HTR2C: variants seen among roughly 807,000 people sequenced by gnomAD.
HTR2C encodes 5-hydroxytryptamine receptor 2C, also known as 5-hydroxytryptamine (serotonin) receptor 2C, G protein-coupled.
Under a neutral mutation model 21.0 loss-of-function variants are expected in HTR2C, and 5 were observed. The ratio of observed to expected loss-of-function variants is 0.24; its 90% CI spans 0.12 to 0.50. The LOEUF (loss-of-function observed/expected upper bound fraction) is 0.50. HTR2C is among the 20% of genes least tolerant of loss of function. The probability of loss-of-function intolerance (pLI) is 0.98; values close to 1 mark genes in which losing one functional copy is unlikely to be tolerated. For synonymous variants in HTR2C, 150 were observed against 145.3 expected (o/e 1.03, Z -0.23); for missense variants, 271 against 371.2 (o/e 0.73, Z 2.22).
chrX:114,902,664 G>T (rs1035206334), intron 5 of HTR2C, among the ~76,000 whole-genome samples: 4 of 110,705 alleles, frequency 3.6e-5, no homozygotes, highest in Non-Finnish European at 7.6e-5. Flanking sequence ...AGGCTGGAGT[G>T]CAGTGGCGGG....
intron 4 of HTR2C, among the ~76,000 whole-genome samples, chrX:114,801,443 T>C (rs1556446820): frequency 9.0e-6 from 1 of 111,324 alleles, no homozygotes; most frequent in Non-Finnish European, 1.9e-5. Flanking sequence ...GGGATGTATC[T>C]GCCTGCCTAT....
At chrX:114,737,468 CCTCAGT>C (rs2069602843) in intron 4 of HTR2C, among the ~76,000 whole-genome samples, 1 of 110,925 alleles carries the variant, frequency 9.0e-6, no homozygotes, top group African/African-American at 3.3e-5. Flanking sequence ...GATCCGCCCG[CCTCAGT>C]CTCCCAAAGT....
intron 2 of HTR2C, among the ~76,000 whole-genome samples, chrX:114,704,119 C>T (rs1932673132): frequency 1.8e-5 from 2 of 111,472 alleles, no homozygotes; most frequent in African/African-American, 6.5e-5. Flanking sequence ...CAGCTGAATT[C>T]TACTGGAGGT....
At chrX:114,801,977 T>A in intron 4 of HTR2C, among the ~76,000 whole-genome samples, 1 of 111,278 alleles carries the variant, frequency 9.0e-6, no homozygotes. Context: ...AATTTAAATA[T>A]TAATTTGGTT....
At chrX:114,839,224 A>G (rs2070812960) in intron 4 of HTR2C, among the ~76,000 whole-genome samples, 2 of 112,233 alleles carry the variant, frequency 1.8e-5, no homozygotes, top group African/African-American at 3.2e-5. Context: ...AACACAAAGA[A>G]CAACTACCTT....
At position 114,908,308 on chromosome X, in the gene HTR2C, G is replaced by T. The variant is rs1490851554; in HGVS notation, c.*893G>T. 8.9e-6 allele frequency: 1 copy of T among 112,177 alleles called. No individual in the cohort carries two copies. Among genetic ancestry groups the T allele is most frequent in the African/African-American group, 3.2e-5 (1 of 30,848 alleles). 9.2% of individuals were successfully genotyped at this position (112,177 alleles called of 1,213,427 possible). The stretch of plus-strand genomic sequence containing the variant: ...TTTGATCTCAGCATCCTGGAAATTT[G>T]TGTGCTTCACACAAAGTGAAATTAG... On this transcript the variant is annotated 3_prime_UTR_variant, in exon 6 of 6. Transcript: ENST00000276198.
intron 1 of HTR2C, among the ~76,000 whole-genome samples, chrX:114,590,336 C>T (rs1927579151): frequency 9.0e-6 from 1 of 111,617 alleles, no homozygotes; most frequent in Non-Finnish European, 1.9e-5. Flanking sequence ...AAACCTGATC[C>T]GTGATTAAAA....
At chrX:114,768,103 T>A (rs1047121649) in intron 4 of HTR2C, among the ~76,000 whole-genome samples, 2 of 111,660 alleles carry the variant, frequency 1.8e-5, no homozygotes, top group African/African-American at 6.5e-5. Context: ...GCCTTTAGCA[T>A]TAATTCTGGC....
chrX:114,885,301 A>G (rs782466270), intron 5 of HTR2C, among the ~76,000 whole-genome samples: 1 of 111,587 alleles, frequency 9.0e-6, no homozygotes, highest in Non-Finnish European at 1.9e-5. Context: ...TTGTGTTACA[A>G]TTGCCTACAG....
intron 5 of HTR2C, among the ~76,000 whole-genome samples, chrX:114,860,275 A>G (rs2070996424): frequency 9.0e-6 from 1 of 111,362 alleles, no homozygotes; most frequent in African/African-American, 3.2e-5. Flanking sequence ...CATTTGTTCT[A>G]TAAATTTTGA....
rs1556487133 is a variant in HTR2C at position 114,906,967 on chromosome X, C to T, written c.929C>T (p.Ser310Leu). 1.7e-6 allele frequency: 2 copies of T among 1,210,974 alleles called. No homozygotes were observed. The highest frequency in any genetic ancestry group is 3.0e-5 in the East Asian group (1 of 33,820). The change falls in exon 6 of 6, where the codon TCG (serine) becomes TTG (leucine). Residue 310 changes from serine (S) to leucine (L), a missense_variant. Ser to Leu is a moderately radical substitution (Grantham distance 145). Around this residue, in one of 5 missense-constraint regions of HTR2C, gnomAD observed 192 missense variants for 247.2 expected, o/e 0.78. Transcript: ENST00000276198. ...MQAINNERKA[S>L]KVLGIVFFVF... Reference sequence around the variant, plus strand: ...GCTATCAACAATGAAAGAAAAGCTTCGAAAGTCCTTGGGATTGTTTTCTTT... The same window carrying T: ...GCTATCAACAATGAAAGAAAAGCTTTGAAAGTCCTTGGGATTGTTTTCTTT...
At chrX:114,662,938 C>T (rs781949330) in intron 2 of HTR2C, among the ~76,000 whole-genome samples, 6 of 111,580 alleles carry the variant, frequency 5.4e-5, no homozygotes, top group Non-Finnish European at 1.1e-4. Flanking sequence ...AGAAGAGTGG[C>T]TAAATCCATT....
intron 4 of HTR2C, among the ~76,000 whole-genome samples, chrX:114,830,575 T>A (rs951630637): frequency 9.0e-5 from 10 of 110,664 alleles, no homozygotes; most frequent in Non-Finnish European, 1.9e-4. Flanking sequence ...AGACTTTTAA[T>A]TGGTAACTTT....
chrX:114,778,321 G>A (rs2070079607), intron 4 of HTR2C, among the ~76,000 whole-genome samples: 1 of 111,340 alleles, frequency 9.0e-6, no homozygotes, highest in Admixed American at 9.6e-5. Context: ...TGGTATTGAG[G>A]GTTAGAGGTT....
At chrX:114,785,619 T>TG (rs1556441929) in intron 4 of HTR2C, among the ~76,000 whole-genome samples, 1 of 111,610 alleles carries the variant, frequency 9.0e-6, no homozygotes, top group African/African-American at 3.3e-5. Context: ...CCTCATACTA[T>TG]ACCCCAAATA....
intron 5 of HTR2C, among the ~76,000 whole-genome samples, chrX:114,879,681 T>C (rs373355939): frequency 2.6e-4 from 29 of 111,021 alleles, no homozygotes; most frequent in African/African-American, 9.1e-4. Flanking sequence ...GCTTCGCTCA[T>C]ACAATGTTTG....
chrX:114,876,327 A>G (rs1271910848), intron 5 of HTR2C, among the ~76,000 whole-genome samples: 1 of 109,619 alleles, frequency 9.1e-6, no homozygotes, highest in Non-Finnish European at 1.9e-5. Context: ...TTTTACTTAT[A>G]TAAAATCATG....
chrX:114,671,716 AT>A (rs1420829828), intron 2 of HTR2C, among the ~76,000 whole-genome samples: 2 of 112,221 alleles, frequency 1.8e-5, no homozygotes, highest in African/African-American at 6.5e-5. Context: ...CATTAGCATT[AT>A]TATACTGTAA....
chrX:114,695,713 G>T (rs1556415796), intron 2 of HTR2C, among the ~76,000 whole-genome samples: 1 of 111,609 alleles, frequency 9.0e-6, no homozygotes, highest in African/African-American at 3.3e-5. Context: ...CCAACACTGT[G>T]CAAATAGTAG....
Sources: gnomAD v4.1 joint callset for allele counts (sites outside exome capture counted in the v4.1 genomes callset) on GRCh38, gnomAD v4.1.1 for gene constraint, gnomAD v4.1.1 regional missense constraint, MANE v1.5 for transcripts, NCBI Gene and HGNC (gene_info 2026-07-23, HGNC 2026-07-21) for gene names.